The following OGG1 variants were observed in gnomAD, a reference collection of about 807,000 sequenced individuals.
OGG1 encodes the protein 8-oxoguanine DNA glycosylase.
OGG1 carries 35 observed loss-of-function variants against 42.3 expected under a neutral mutation model. That is an observed-to-expected ratio of 0.83 (90% CI 0.63 to 1.10). The LOEUF is 1.10. OGG1 is among the 50% of genes least tolerant of loss of function. The probability of loss-of-function intolerance (pLI) is 0.00; values close to 1 mark genes in which losing one functional copy is unlikely to be tolerated. For missense variants in OGG1, 484 were observed against 446.7 expected (o/e 1.08, Z -0.75); for synonymous variants, 189 against 179.0 (o/e 1.06, Z -0.44).
chr3:9,769,541 C>T (rs1378672049), downstream of OGG1, among the ~76,000 whole-genome samples: 2 of 152,102 alleles, frequency 1.3e-5, no homozygotes, highest in African/African-American at 4.8e-5. Flanking sequence ...ACTCCGCAAG[C>T]CCCCCCACCC....
chr3:9,787,935 G>A, exon 4 of OGG1: 1 of 360,212 alleles, frequency 2.8e-6, no homozygotes, highest in East Asian at 7.4e-5. Context: ...CCAGAGACCA[G>A]CGAGGAGGCT....
chr3:9,757,819 G>A (rs773234633), downstream of OGG1: 11 of 1,610,886 alleles, frequency 6.8e-6, no homozygotes, highest in Admixed American at 8.3e-5. This position sits in a 1 kb window ranked among gnomAD's most constrained non-coding sequence, Gnocchi z 4.5. Context: ...CTCATGTGCC[G>A]CACCACAGCC....
At chr3:9,780,871 G>A (rs2125614080) in intron 2 of OGG1, among the ~76,000 whole-genome samples, 1 of 152,282 alleles carries the variant, frequency 6.6e-6, no homozygotes, top group South Asian at 2.1e-4. Flanking sequence ...GCACATGGGG[G>A]TTCACATCTG....
At chr3:9,774,595 A>G (rs950128642) in intron 2 of OGG1, among the ~76,000 whole-genome samples, 3 of 152,202 alleles carry the variant, frequency 2.0e-5, no homozygotes, top group African/African-American at 4.8e-5. Context: ...CAGGATTGAT[A>G]ACAAACAGTA....
Position 9,757,319 on chromosome 3 carries a change from G to A in OGG1, c.*169G>A, listed in dbSNP as rs766253652. The A allele has an allele frequency of 6.2e-7, 1 of 1,614,152 alleles. No individual in the cohort carries two copies. The highest frequency in any genetic ancestry group is 1.7e-5 in the Admixed American group (1 of 60,022). On this transcript the variant is annotated 3_prime_UTR_variant, in exon 7 of 7. Coordinates refer to ENST00000344629, the MANE Select transcript of OGG1 (RefSeq NM_002542.6). The surrounding 1 kb of genome is among the most constrained non-coding windows in gnomAD (Gnocchi z 4.5). ...CAGTTTGCACAACAAGATGGGGTGG[G>A]GGATATTGAGGGAGACAGCGCTAAG...
At chr3:9,760,499 A>G (rs1276170964), downstream of OGG1, 2 of 653,154 alleles carry the variant, frequency 3.1e-6, no homozygotes, top group Non-Finnish European at 5.4e-6. Flanking sequence ...GTACCCAAGC[A>G]GAAGGAAGAA....
chr3:9,759,895 CTCT>C, downstream of OGG1: 4 of 1,387,350 alleles, frequency 2.9e-6, no homozygotes, highest in South Asian at 1.2e-5. Context: ...CCAACCTATG[CTCT>C]TCTTCAGGCC....
downstream of OGG1, chr3:9,767,864 A>T (rs41276497): frequency 8.9e-3 from 13,205 of 1,484,924 alleles, 77 homozygotes; most frequent in Non-Finnish European, 0.011. Context: ...TCAGTCATTC[A>T]ACCTGCATTT....
intron 7 of OGG1, among the ~76,000 whole-genome samples, chr3:9,764,384 C>G (rs2125587877): frequency 6.6e-6 from 1 of 152,136 alleles, no homozygotes; most frequent in Non-Finnish European, 1.5e-5. Flanking sequence ...ATGATCTTGG[C>G]TCATCACAAT....
chr3:9,756,859 G>C (rs565896568), intron 6 of OGG1, 43 bp downstream of exon 6: 1 of 1,612,818 alleles, frequency 6.2e-7, no homozygotes, highest in South Asian at 1.1e-5. Flanking sequence ...CTCTCCTCCA[G>C]CCCAGACCCA....
chr3:9,758,818 C>G (rs2077709748), downstream of OGG1: 1 of 278,516 alleles, frequency 3.6e-6, no homozygotes, highest in Non-Finnish European at 7.0e-6. Context: ...TTAGTAGAGA[C>G]AGGGTTTTGC....
At chr3:9,764,622 T>G (rs958724962) in intron 7 of OGG1, among the ~76,000 whole-genome samples, 5 of 129,908 alleles carry the variant, frequency 3.8e-5, no homozygotes, top group East Asian at 2.3e-4. Context: ...TTTTTGTTTT[T>G]TTTTTGTTTT....
intron 4 of OGG1, 60 bp downstream of exon 4, chr3:9,754,945 T>G (rs2077471002): frequency 1.4e-6 from 2 of 1,463,574 alleles, no homozygotes; most frequent in Non-Finnish European, 1.9e-6. Context: ...GAGCAGGAAA[T>G]GAGCCAAGCC....
chr3:9,759,716 G>C, downstream of OGG1: 1 of 1,614,086 alleles, frequency 6.2e-7, no homozygotes, highest in Non-Finnish European at 8.5e-7. Flanking sequence ...TTTTCTCTGG[G>C]TCCTTCTCCA....
downstream of OGG1, chr3:9,757,457 A>C: frequency 3.7e-6 from 6 of 1,603,432 alleles, no homozygotes; most frequent in Non-Finnish European, 5.1e-6. The surrounding 1 kb of genome is among the most constrained non-coding windows in gnomAD (Gnocchi z 4.5). Context: ...AGGGCAGAGA[A>C]ACTCCCGGTT....
At chr3:9,756,989 A>G (rs373863564) in intron 6 of OGG1, 72 bp from the exon 7 acceptor site, 5 of 1,612,712 alleles carry the variant, frequency 3.1e-6, no homozygotes, top group Non-Finnish European at 3.4e-6. Context: ...CCACCTCCCA[A>G]CACTGTCACT....
Position 9,756,822 on chromosome 3 carries a change from T to C in OGG1, c.948+6T>C, listed in dbSNP as rs2077588940. 6.2e-7 allele frequency: 1 copy of C among 1,613,720 alleles called. No individual in the cohort carries two copies. The highest frequency in any genetic ancestry group is 8.5e-7 in the Non-Finnish European group (1 of 1,179,958). On this transcript the variant is annotated splice_donor_region_variant and intron_variant, in intron 6 of 6. Transcript: ENST00000344629. ...ATGCTGGCTGGGCCCAAGCGGTGAGTGTACCTAGGTGTCCTCCCTAGGTTT... is the reference window on the plus strand; with the variant it reads ...ATGCTGGCTGGGCCCAAGCGGTGAGCGTACCTAGGTGTCCTCCCTAGGTTT...
At chr3:9,785,848 G>A (rs2078594961) in intron 3 of OGG1, among the ~76,000 whole-genome samples, 1 of 152,186 alleles carries the variant, frequency 6.6e-6, no homozygotes, top group African/African-American at 2.4e-5. Context: ...CATGTGACAA[G>A]TTCTCTCCAG....
Position 9,754,880 on chromosome 3 carries a change from A to T in OGG1, c.742A>T (p.Thr248Ser). The T allele has an allele frequency of 1.3e-6, 2 of 1,592,492 alleles. No individual in the cohort carries two copies. Among genetic ancestry groups the T allele is most frequent in the Non-Finnish European group, 8.6e-7 (1 of 1,168,798 alleles). ...CCTCTGCATCCTGCCTGGAGTGGGC[A>T]CCAAGGTGAGGCCCCAGGGGGTAGG... ...KALCILPGVG[T>S]KVADCICLMA... is the part of the protein sequence containing the mutation. Residue 248 changes from threonine (T) to serine (S), a missense_variant, in exon 4 of 7, where the codon ACC becomes TCC. Physicochemically the swap from Thr to Ser is moderately conservative, Grantham distance 58. Transcript: ENST00000344629.
Sources: gnomAD v4.1 joint callset for allele counts (sites outside exome capture counted in the v4.1 genomes callset) on GRCh38, gnomAD v4.1.1 for gene constraint, Gnocchi (gnomAD v3.1) non-coding constraint, MANE v1.5 for transcripts, NCBI Gene and HGNC (gene_info 2026-07-23, HGNC 2026-07-21) for gene names.